The following PTPRE variants were observed in gnomAD, a reference collection of about 807,000 sequenced individuals.
PTPRE encodes receptor-type tyrosine-protein phosphatase epsilon.
In PTPRE, 51 loss-of-function variants were observed where a neutral mutation model predicts 102.0. The ratio of observed to expected loss-of-function variants is 0.50; its 90% CI spans 0.40 to 0.63. The LOEUF is 0.63. PTPRE is among the 30% of genes least tolerant of loss of function. PTPRE has a pLI of 0.00. For synonymous variants in PTPRE, 345 were observed against 348.2 expected, an observed-to-expected ratio of 0.99 and a Z score of 0.10; for missense variants, 752 against 915.1, an observed-to-expected ratio of 0.82 and a Z score of 2.30.
intron 16 of PTPRE, among the ~76,000 whole-genome samples, chr10:128,073,128 G>A (rs558253115): frequency 2.6e-5 from 4 of 152,328 alleles, no homozygotes; most frequent in East Asian, 1.9e-4. Flanking sequence ...AGGGGCTGAC[G>A]GTGGCCGTTA....
chr10:127,923,244 G>T (rs1177822418), intron 1 of PTPRE, among the ~76,000 whole-genome samples: 1 of 152,208 alleles, frequency 6.6e-6, no homozygotes, highest in East Asian at 1.9e-4. Flanking sequence ...TCAGGTGAGG[G>T]GTGGGGCAGG....
At chr10:128,047,882 C>A in intron 5 of PTPRE, 45 bp downstream of exon 5, 1 of 1,521,506 alleles carries the variant, frequency 6.6e-7, no homozygotes. Flanking sequence ...AAAATGTGTT[C>A]TTTTTTAGCA....
At chr10:128,068,514 C>A in intron 12 of PTPRE, 1 of 403,444 alleles carries the variant, frequency 2.5e-6, no homozygotes, top group Non-Finnish European at 4.3e-6. Context: ...AGCCAGGAGG[C>A]TCCGGTTGAT....
Position 128,028,850 on chromosome 10 carries a change from C to G in PTPRE, c.-7-12025C>G, listed in dbSNP as rs987631766. Among the ~76,000 whole-genome samples the G allele has an allele frequency of 2.6e-5, 4 of 152,274 alleles. No homozygotes were observed. Among genetic ancestry groups the G allele is most frequent in the Admixed American group, 2.6e-4 (4 of 15,306 alleles). On this transcript the variant is annotated intron_variant, in intron 2 of 20. Coordinates refer to ENST00000254667, the MANE Select transcript of PTPRE (RefSeq NM_006504.6). This position sits in a 1 kb window ranked among gnomAD's most constrained non-coding sequence, Gnocchi z 4.5. ...CCACCCTGCCCCGGCCCAGCCCTGG[C>G]CACCCCAGACGTCTGGCCCTCGTCC... is the stretch of plus-strand genomic sequence containing the variant.
chr10:128,072,295 C>T (rs1016151278), intron 16 of PTPRE, 81 bp downstream of exon 16: 20 of 1,210,004 alleles, frequency 1.7e-5, no homozygotes, highest in Non-Finnish European at 2.2e-5. Flanking sequence ...CTTGTTTTCA[C>T]AATGAGAAAG....
intron 1 of PTPRE, among the ~76,000 whole-genome samples, chr10:127,943,861 G>A (rs374146359): frequency 2.6e-5 from 4 of 152,170 alleles, no homozygotes; most frequent in African/African-American, 4.8e-5. Context: ...TGGAATGACC[G>A]TGCCCACTGC....
intron 2 of PTPRE, among the ~76,000 whole-genome samples, chr10:127,984,711 G>T (rs1226576808): frequency 6.6e-6 from 1 of 152,156 alleles, no homozygotes; most frequent in African/African-American, 2.4e-5. Context: ...AGATCTGATG[G>T]TTTTTTAAGG....
intron 6 of PTPRE, among the ~76,000 whole-genome samples, chr10:128,053,904 G>A (rs1848745515): frequency 2.6e-5 from 4 of 152,162 alleles, no homozygotes; most frequent in Non-Finnish European, 1.5e-5. Context: ...GAGATTACAG[G>A]CGCCCACCAC....
chr10:128,052,236 C>T lies in PTPRE; in HGVS notation c.420+2570C>T, dbSNP rs371230313. 1.8e-3 allele frequency among the ~76,000 whole-genome samples: 273 copies of T among 152,280 alleles called. 1 individual carries two copies. Among genetic ancestry groups the T allele is most frequent in the African/African-American group, 6.1e-3 (253 of 41,556 alleles). ...CAACCCCATCTTTCTTTTCTCTTGCCGTCTGATCTGAGCTCCTCTCCCCAA... is the reference window on the plus strand; with the variant it reads ...CAACCCCATCTTTCTTTTCTCTTGCTGTCTGATCTGAGCTCCTCTCCCCAA... On this transcript the variant is annotated intron_variant, in intron 6 of 20. Transcript: ENST00000254667.
At chr10:127,926,804 C>CTTTTTTT (rs150223324) in intron 1 of PTPRE, among the ~76,000 whole-genome samples, 4 of 82,678 alleles carry the variant, frequency 4.8e-5, no homozygotes, top group African/African-American at 2.1e-4. Flanking sequence ...AGAGAGTTGT[C>CTTTTTTT]TTTTTTTTTT....
At chr10:128,066,246 C>G (rs1029711452) in intron 11 of PTPRE, 52 bp downstream of exon 11, 1 of 1,600,316 alleles carries the variant, frequency 6.2e-7, no homozygotes, top group African/African-American at 1.3e-5. Context: ...CAGAGAGCAT[C>G]ATGCCCAGAG....
intron 2 of PTPRE, among the ~76,000 whole-genome samples, chr10:128,002,683 CTTTTTTTTTTTTTTTT>C (rs59007980): frequency 7.3e-5 from 3 of 41,202 alleles, no homozygotes; most frequent in African/African-American, 1.1e-4. Flanking sequence ...AGTCACATAT[CTTTTTTTTTTTTTTTT>C]TTTTTTTTTT....
intron 1 of PTPRE, chr10:127,964,808 A>T (rs550446185): frequency 1.4e-4 from 39 of 285,220 alleles, no homozygotes; most frequent in East Asian, 1.2e-3. Context: ...AGTGAATGCC[A>T]TGAACAGTTT....
At chr10:128,045,332 T>TG (rs1848004332) in intron 3 of PTPRE, among the ~76,000 whole-genome samples, 1 of 152,216 alleles carries the variant, frequency 6.6e-6, no homozygotes, top group Non-Finnish European at 1.5e-5. Flanking sequence ...GGAGGGCTGG[T>TG]GGGGCCCAGG....
intron 1 of PTPRE, among the ~76,000 whole-genome samples, chr10:127,973,840 C>T (rs946562477): frequency 2.6e-5 from 4 of 152,184 alleles, no homozygotes; most frequent in East Asian, 1.9e-4. Flanking sequence ...CCCACGGTCA[C>T]GCTTAGCTTC....
chr10:128,014,409 T>C (rs1845261134), intron 2 of PTPRE, among the ~76,000 whole-genome samples: 1 of 152,204 alleles, frequency 6.6e-6, no homozygotes, highest in Non-Finnish European at 1.5e-5. Flanking sequence ...GGCAATTCTT[T>C]GAAGTCTCTT....
At chr10:128,001,186 A>C (rs1450047495) in intron 2 of PTPRE, among the ~76,000 whole-genome samples, 1 of 148,328 alleles carries the variant, frequency 6.7e-6, no homozygotes, top group Non-Finnish European at 1.5e-5. Context: ...CTCTGTGTGC[A>C]GAGAGATCTG....
intron 1 of PTPRE, among the ~76,000 whole-genome samples, chr10:127,970,735 C>A (rs970091998): frequency 4.6e-5 from 7 of 151,288 alleles, no homozygotes; most frequent in Non-Finnish European, 7.4e-5. Flanking sequence ...CTAATGGACA[C>A]TCAAGTTTCC....
intron 7 of PTPRE, among the ~76,000 whole-genome samples, chr10:128,057,208 A>T (rs1412420528): frequency 6.8e-6 from 1 of 146,072 alleles, no homozygotes; most frequent in Admixed American, 6.7e-5. Flanking sequence ...CAAGAGCGAA[A>T]CTCCATCTCA....
Sources: allele counts gnomAD v4.1 joint callset (sites outside exome capture counted in the v4.1 genomes callset), GRCh38; gene constraint gnomAD v4.1.1; non-coding constraint Gnocchi (gnomAD v3.1); transcripts MANE v1.5; gene names NCBI Gene and HGNC (gene_info 2026-07-23, HGNC 2026-07-21).